Variants in FOXK2 observed in about 807,000 individuals in gnomAD.
FOXK2 encodes forkhead box protein K2.
FOXK2 carries 24 observed loss-of-function variants against 53.3 expected under a neutral mutation model. That is an observed-to-expected ratio of 0.45 (90% CI 0.33 to 0.63). The LOEUF (loss-of-function observed/expected upper bound fraction) is 0.63. Ranked by LOEUF, FOXK2 falls within the 30% of genes least tolerant of loss-of-function variation. The pLI is 0.03. For synonymous variants in FOXK2, 505 were observed against 407.1 expected (o/e 1.24, Z -2.89); for missense variants, 952 against 910.5 (o/e 1.05, Z -0.59).
chr17:82,580,930 A>C (rs562156890), intron 4 of FOXK2, among the ~76,000 whole-genome samples: 1 of 151,922 alleles, frequency 6.6e-6, no homozygotes, highest in South Asian at 2.1e-4. Context: ...CCTCCTCTCC[A>C]TGTCACCCGT....
intron 1 of FOXK2, among the ~76,000 whole-genome samples, chr17:82,528,110 C>G (rs1186641259): frequency 3.3e-5 from 5 of 152,106 alleles, no homozygotes; most frequent in Admixed American, 6.6e-5. Context: ...TACATGTTTT[C>G]AAGTGCTGAT....
In FOXK2 at chr17:82,582,732, G is replaced by A; in HGVS notation, c.910-9G>A. On this transcript the variant is annotated splice_polypyrimidine_tract_variant and intron_variant, in intron 4 of 8. Transcript: ENST00000335255. Reference sequence around the variant, plus strand: ...ATATGAATTCTACGTATTTTTTTATGTTTCATAGAATTCAATTCGCCACAA... The same window carrying A: ...ATATGAATTCTACGTATTTTTTTATATTTCATAGAATTCAATTCGCCACAA... 1 of 1,552,954 alleles carries A rather than the reference G, an allele frequency of 6.4e-7. No homozygotes were observed. The highest frequency in any genetic ancestry group is 8.7e-7 in the Non-Finnish European group (1 of 1,151,212).
At chr17:82,587,474 C>G (rs766879796) in intron 8 of FOXK2, 22 of 596,436 alleles carry the variant, frequency 3.7e-5, no homozygotes. Context: ...GGAGGACCTG[C>G]CTGAAAAGAG....
chr17:82,567,926 CTTTTTTT>C (rs3065019), intron 2 of FOXK2, 121 bp from the exon 3 acceptor site: 19,290 of 420,824 alleles, frequency 0.046, 18 homozygotes, highest in South Asian at 0.057. Flanking sequence ...TATTCTCTTC[CTTTTTTT>C]TTTTTTTTTT....
At chr17:82,555,575 A>C (rs111320509) in intron 1 of FOXK2, among the ~76,000 whole-genome samples, 6 of 152,214 alleles carry the variant, frequency 3.9e-5, no homozygotes, top group African/African-American at 1.2e-4. Flanking sequence ...ATGCAGTCAC[A>C]ACCCAGGTAA....
chr17:82,564,942 G>A (rs1192342940), intron 2 of FOXK2, among the ~76,000 whole-genome samples: 1 of 151,826 alleles, frequency 6.6e-6, no homozygotes, highest in East Asian at 1.9e-4. Flanking sequence ...GTTGGTCAGG[G>A]TGGTCTTGAA....
intron 4 of FOXK2, among the ~76,000 whole-genome samples, chr17:82,581,588 G>A (rs913970648): frequency 2.0e-5 from 3 of 150,580 alleles, no homozygotes; most frequent in African/African-American, 4.9e-5. Context: ...CCATTCTCCC[G>A]CCTCAGCCTC....
chr17:82,555,700 T>C (rs2044716838), intron 1 of FOXK2, among the ~76,000 whole-genome samples: 2 of 141,700 alleles, frequency 1.4e-5, no homozygotes, highest in Non-Finnish European at 3.1e-5. Context: ...CTGGCTAACA[T>C]GGTGAAACCC....
chr17:82,599,385 C>A (rs868848600), intron 8 of FOXK2: 1 of 152,280 alleles, frequency 6.6e-6, no homozygotes. Flanking sequence ...GGATTACAGG[C>A]GTGAGCCACC....
intron 1 of FOXK2, among the ~76,000 whole-genome samples, chr17:82,559,830 A>G (rs1412021235): frequency 6.6e-6 from 1 of 152,082 alleles, no homozygotes; most frequent in Non-Finnish European, 1.5e-5. Context: ...TAGAGCAGGA[A>G]GGAAAAGAGG....
intron 8 of FOXK2, among the ~76,000 whole-genome samples, chr17:82,589,468 T>G (rs1361799942): frequency 2.0e-5 from 3 of 152,264 alleles, no homozygotes; most frequent in Non-Finnish European, 2.9e-5. Context: ...TAACAAATTC[T>G]TATAAAACCA....
At chr17:82,550,190 C>CT (rs1173446600) in intron 1 of FOXK2, among the ~76,000 whole-genome samples, 2 of 152,236 alleles carry the variant, frequency 1.3e-5, no homozygotes, top group East Asian at 3.9e-4. Context: ...GACCTTGTCT[C>CT]TAAACAAACA....
chr17:82,570,883 G>A (rs2044910098), intron 3 of FOXK2, among the ~76,000 whole-genome samples: 1 of 152,218 alleles, frequency 6.6e-6, no homozygotes, highest in Admixed American at 6.5e-5. Context: ...AGGGATGCCA[G>A]CCTGTCAGCG....
At chr17:82,535,469 C>T (rs1475172781) in intron 1 of FOXK2, among the ~76,000 whole-genome samples, 1 of 152,228 alleles carries the variant, frequency 6.6e-6, no homozygotes, top group Admixed American at 6.5e-5. Flanking sequence ...TGACATCTCA[C>T]AGGTCCTTTA....
At chr17:82,587,460 C>G (rs937044903) in intron 8 of FOXK2, 188 bp downstream of exon 8, 4 of 609,592 alleles carry the variant, frequency 6.6e-6, no homozygotes, top group South Asian at 5.7e-5. Context: ...ATGGGATTCC[C>G]GTGGGAGGAC....
chr17:82,566,382 G>C lies in FOXK2; in HGVS notation c.615-1672G>C, dbSNP rs546749432. 2.0e-5 allele frequency among the ~76,000 whole-genome samples: 3 copies of C among 152,188 alleles called. No homozygotes were observed. In the East Asian group the frequency reaches 5.8e-4, roughly 29 times the overall value. ...CCCCGGCTGGCATCAGGGCCTTCTC[G>C]TTGCTGCCCTCTCTCCCATTGCTCC... On this transcript the variant is annotated intron_variant, in intron 2 of 8. Coordinates refer to ENST00000335255, the MANE Select transcript of FOXK2 (RefSeq NM_004514.4).
At chr17:82,527,995 G>A (rs935345861) in intron 1 of FOXK2, among the ~76,000 whole-genome samples, 4 of 151,922 alleles carry the variant, frequency 2.6e-5, no homozygotes, top group Admixed American at 2.0e-4. Flanking sequence ...GTGGGGTCTC[G>A]CTATGTTGCC....
chr17:82,603,441 G>A lies in FOXK2; in HGVS notation c.*1942G>A, dbSNP rs539769365. The A allele has an allele frequency of 2.0e-5, 3 of 152,360 alleles. No homozygotes were observed. The highest frequency in any genetic ancestry group is 3.9e-4 in the East Asian group (2 of 5,184). 9.4% of individuals were successfully genotyped at this position (152,360 alleles called of 1,614,324 possible). On this transcript the variant is annotated 3_prime_UTR_variant, in exon 9 of 9. Transcript: ENST00000335255. ...TGGGGTTCTCTGATTGATAGGAGAC[G>A]AGCTCTTGAGCTCTAAGGAACAGTG...
At chr17:82,530,030 G>A (rs1187041998) in intron 1 of FOXK2, among the ~76,000 whole-genome samples, 1 of 152,188 alleles carries the variant, frequency 6.6e-6, no homozygotes, top group African/African-American at 2.4e-5. Context: ...AGTTTTTTGT[G>A]TTCCTGGTTC....
Sources: gnomAD v4.1 joint callset for allele counts (sites outside exome capture counted in the v4.1 genomes callset) on GRCh38, gnomAD v4.1.1 for gene constraint, MANE v1.5 for transcripts, NCBI Gene and HGNC (gene_info 2026-07-23, HGNC 2026-07-21) for gene names.